Variants in NEGR1 observed in about 807,000 individuals in gnomAD.
NEGR1 encodes the protein neuronal growth regulator 1, also known as IgLON family member 4.
NEGR1 carries 10 observed loss-of-function variants against 40.9 expected under a neutral mutation model. The ratio of observed to expected loss-of-function variants is 0.24; its 90% CI spans 0.15 to 0.42. The LOEUF (loss-of-function observed/expected upper bound fraction) is 0.42, where lower values mean the gene tolerates loss of function less well. Ranked by LOEUF, NEGR1 falls within the 10% of genes least tolerant of loss-of-function variation. NEGR1 has a pLI of 1.00. For synonymous variants in NEGR1, 185 were observed against 166.8 expected (o/e 1.11, Z -0.84); for missense variants, 352 against 438.9 (o/e 0.80, Z 1.77).
At chr1:71,782,960 C>T (rs899542299) in intron 2 of NEGR1, among the ~76,000 whole-genome samples, 2 of 151,396 alleles carry the variant, frequency 1.3e-5, no homozygotes, top group African/African-American at 2.4e-5. Flanking sequence ...TCTGTCACAT[C>T]TTAGGTAGTC....
chr1:72,100,851 ATGCTGGCAAATTAGGTCTCTGGT>A (rs1417614805), intron 1 of NEGR1: 1 of 152,236 alleles, frequency 6.6e-6, no homozygotes, highest in Non-Finnish European at 1.5e-5. Context: ...CATGATCAAG[ATGCTGGCAAATTAGGTCTCTGGT>A]GAGGGCTCTA....
At chr1:72,010,819 A>G (rs929945114) in intron 1 of NEGR1, among the ~76,000 whole-genome samples, 1 of 152,138 alleles carries the variant, frequency 6.6e-6, no homozygotes, top group Non-Finnish European at 1.5e-5. Flanking sequence ...GACTTCTTTA[A>G]GCACAAGACG....
rs1200205794 is a variant in NEGR1 at position 71,928,346 on chromosome 1, A to G, written c.409+6733T>C. 8.6e-5 allele frequency among the ~76,000 whole-genome samples: 5 copies of G among 58,278 alleles called. 1 individual carries two copies. Among genetic ancestry groups the G allele is most frequent in the African/African-American group, 2.2e-4 (3 of 13,520 alleles). 38.2% of individuals were successfully genotyped at this position (58,278 alleles called of 152,430 possible). A position where few individuals can be genotyped will look rare whatever the true frequency, so the allele number is the denominator to read the frequency against. On this transcript the variant is annotated intron_variant, in intron 2 of 6. Transcript: ENST00000357731. The stretch of plus-strand genomic sequence containing the variant: ...TACGTATATATGTATATATACACAC[A>G]TGTGTATATATATATACACATATGT...
intron 3 of NEGR1, among the ~76,000 whole-genome samples, chr1:71,705,228 T>G (rs972248138): frequency 6.6e-6 from 1 of 152,158 alleles, no homozygotes; most frequent in Non-Finnish European, 1.5e-5. Context: ...TATCTCGTAC[T>G]TTATACATAA....
chr1:71,773,398 C>T (rs1221045812), intron 3 of NEGR1, among the ~76,000 whole-genome samples: 1 of 152,116 alleles, frequency 6.6e-6, no homozygotes, highest in Non-Finnish European at 1.5e-5. Context: ...AGGTTAACTG[C>T]TGTTTTGGGA....
chr1:71,534,214 T>C (rs911195780), intron 6 of NEGR1, among the ~76,000 whole-genome samples: 1 of 151,746 alleles, frequency 6.6e-6, no homozygotes, highest in African/African-American at 2.4e-5. Context: ...TTGGTTTTTC[T>C]CTGAAAAGGC....
At chr1:72,246,318 T>C (rs998503155) in intron 1 of NEGR1, among the ~76,000 whole-genome samples, 2 of 152,350 alleles carry the variant, frequency 1.3e-5, no homozygotes, top group East Asian at 1.9e-4. Context: ...CATCCTTTTA[T>C]GATAACATCG....
At chr1:72,164,775 C>A (rs545411146) in intron 1 of NEGR1, among the ~76,000 whole-genome samples, 1 of 151,656 alleles carries the variant, frequency 6.6e-6, no homozygotes, top group East Asian at 1.9e-4. Flanking sequence ...GTGGAGGAAC[C>A]AAATAAAGTG....
chr1:71,956,417 C>A (rs1646120078), intron 1 of NEGR1, among the ~76,000 whole-genome samples: 1 of 151,992 alleles, frequency 6.6e-6, no homozygotes, highest in Admixed American at 6.6e-5. Context: ...TATTCTTTTA[C>A]AAAACTAAAT....
chr1:71,648,429 A>G (rs1045826152), intron 4 of NEGR1, among the ~76,000 whole-genome samples: 2 of 152,186 alleles, frequency 1.3e-5, no homozygotes, highest in African/African-American at 2.4e-5. Flanking sequence ...CATTTTGAAG[A>G]TGAGAAAACT....
At chr1:72,156,218 T>C (rs185649252) in intron 1 of NEGR1, among the ~76,000 whole-genome samples, 1 of 152,296 alleles carries the variant, frequency 6.6e-6, no homozygotes, top group Non-Finnish European at 1.5e-5. Context: ...ATCATTTTTA[T>C]GCTTTTTATG....
At chr1:72,093,732 T>A (rs1448875751) in intron 1 of NEGR1, among the ~76,000 whole-genome samples, 2 of 152,190 alleles carry the variant, frequency 1.3e-5, no homozygotes, top group Middle Eastern at 3.2e-3. Flanking sequence ...TTACTAACAC[T>A]TCAGCTTGAT....
chr1:71,718,544 C>T (rs147731349), intron 3 of NEGR1, among the ~76,000 whole-genome samples: 39 of 152,276 alleles, frequency 2.6e-4, no homozygotes, highest in African/African-American at 9.1e-4. Context: ...CCTAACACAA[C>T]TATTGACATT....
At chr1:71,932,804 A>G (rs1645867829) in intron 2 of NEGR1, among the ~76,000 whole-genome samples, 1 of 152,056 alleles carries the variant, frequency 6.6e-6, no homozygotes, top group Non-Finnish European at 1.5e-5. Flanking sequence ...GCATCAGACA[A>G]TCTCACAAAT....
At chr1:71,728,230 T>C (rs1654737327) in intron 3 of NEGR1, among the ~76,000 whole-genome samples, 1 of 152,112 alleles carries the variant, frequency 6.6e-6, no homozygotes, top group Non-Finnish European at 1.5e-5. Context: ...TTGATTTATT[T>C]CAATTCAACT....
intron 6 of NEGR1, among the ~76,000 whole-genome samples, chr1:71,464,917 G>A (rs138569250): frequency 5.3e-5 from 8 of 152,156 alleles, no homozygotes; most frequent in Non-Finnish European, 7.4e-5. Context: ...TTATGCAAGC[G>A]TAGAGTTTGG....
chr1:72,110,221 TAAAAAAAA>T (rs57618301), intron 1 of NEGR1, among the ~76,000 whole-genome samples: 1 of 106,988 alleles, frequency 9.3e-6, no homozygotes, highest in African/African-American at 3.3e-5. Flanking sequence ...TAGAGTATAA[TAAAAAAAA>T]AAAAAAAAAA....
At chr1:71,993,721 A>T (rs1348539650) in intron 1 of NEGR1, among the ~76,000 whole-genome samples, 1 of 152,222 alleles carries the variant, frequency 6.6e-6, no homozygotes, top group African/African-American at 2.4e-5. Context: ...TAAAGCAGGA[A>T]TTATTGTATC....
intron 6 of NEGR1, among the ~76,000 whole-genome samples, chr1:71,481,617 A>G (rs1337366849): frequency 2.0e-5 from 3 of 151,928 alleles, no homozygotes; most frequent in African/African-American, 7.2e-5. Flanking sequence ...TCCACCAATT[A>G]AGATTTTAGT....
Sources: allele counts gnomAD v4.1 joint callset (sites outside exome capture counted in the v4.1 genomes callset), GRCh38; gene constraint gnomAD v4.1.1; transcripts MANE v1.5; gene names NCBI Gene and HGNC (gene_info 2026-07-23, HGNC 2026-07-21).